The following PTPRD variants were observed in gnomAD, a reference collection of about 807,000 sequenced individuals.
The protein encoded by PTPRD is protein tyrosine phosphatase receptor type D.
A neutral mutation model predicts 214.5 loss-of-function variants in PTPRD; 34 were observed. The ratio of observed to expected loss-of-function variants is 0.16; its 90% CI spans 0.12 to 0.21. The LOEUF is 0.21. PTPRD is among the 10% of genes least tolerant of loss of function. The pLI, the probability that PTPRD is intolerant of heterozygous loss-of-function variation, is 1.00. For synonymous variants in PTPRD, 1,128 were observed against 845.7 expected, an observed-to-expected ratio of 1.33 and a Z score of -5.79; for missense variants, 2,545 against 2,398.7, an observed-to-expected ratio of 1.06 and a Z score of -1.27.
chr9:8,776,936 G>A (rs1486569629), intron 11 of PTPRD, among the ~76,000 whole-genome samples: 1 of 146,520 alleles, frequency 6.8e-6, no homozygotes, highest in African/African-American at 2.5e-5. Flanking sequence ...TAAATATGAT[G>A]TAATACATAT....
chr9:8,350,464 T>C (rs989388116), intron 39 of PTPRD, among the ~76,000 whole-genome samples: 1 of 152,164 alleles, frequency 6.6e-6, no homozygotes, highest in Non-Finnish European at 1.5e-5. Flanking sequence ...CTACAAGTAT[T>C]TGACATCTAT....
At chr9:10,428,212 G>C (rs1367386568) in intron 2 of PTPRD, among the ~76,000 whole-genome samples, 13 of 151,976 alleles carry the variant, frequency 8.6e-5, no homozygotes. Context: ...CCAGCTACTT[G>C]GGAGGCTGAG....
At chr9:9,224,168 CAG>C (rs1258485499) in intron 9 of PTPRD, among the ~76,000 whole-genome samples, 9 of 151,930 alleles carry the variant, frequency 5.9e-5, no homozygotes, top group African/African-American at 1.9e-4. Context: ...CAGCTACAGT[CAG>C]TGACTCCCTC....
At position 8,606,377 on chromosome 9, in the gene PTPRD, A is replaced by AATC. The variant is rs575024289; in HGVS notation, c.352+26937_352+26939dup. Among the ~76,000 whole-genome samples, 5 of 152,300 alleles carry AATC rather than the reference A, an allele frequency of 3.3e-5. No homozygotes were observed. The South Asian group carries it at 8.3e-4, about 25-fold the overall frequency. On this transcript the variant is annotated intron_variant, in intron 14 of 45. Transcript: ENST00000381196. Reference sequence around the variant, plus strand: ...GGGGAAGAAAAGCCAAGAGAAGGAAAATCAATTACCTGTGAATAGCATCTT... The same window carrying AATC: ...GGGGAAGAAAAGCCAAGAGAAGGAAAATCATCAATTACCTGTGAATAGCATCTT...
At chr9:8,522,748 T>G (rs996222926) in intron 19 of PTPRD, among the ~76,000 whole-genome samples, 1 of 152,194 alleles carries the variant, frequency 6.6e-6, no homozygotes, top group African/African-American at 2.4e-5. Flanking sequence ...ATTGGTTTCA[T>G]CTGGGGCTTT....
chr9:8,784,547 A>C (rs1214062149), intron 11 of PTPRD, among the ~76,000 whole-genome samples: 2 of 152,170 alleles, frequency 1.3e-5, no homozygotes, highest in African/African-American at 4.8e-5. Context: ...TTTTAAACAG[A>C]ATCTGGTTTT....
intron 5 of PTPRD, among the ~76,000 whole-genome samples, chr9:9,796,270 T>A (rs1416948075): frequency 1.3e-5 from 2 of 152,160 alleles, no homozygotes; most frequent in Non-Finnish European, 1.5e-5. Flanking sequence ...TAATACTTCT[T>A]AATCCAGTTG....
At chr9:8,973,714 C>T (rs752641499) in intron 11 of PTPRD, among the ~76,000 whole-genome samples, 6 of 152,008 alleles carry the variant, frequency 3.9e-5, no homozygotes, top group Non-Finnish European at 7.4e-5. Flanking sequence ...TCTCTGTAGC[C>T]TCTCCAGCAT....
At chr9:9,498,408 T>G (rs1349608943) in intron 8 of PTPRD, among the ~76,000 whole-genome samples, 1 of 152,146 alleles carries the variant, frequency 6.6e-6, no homozygotes, top group Non-Finnish European at 1.5e-5. Flanking sequence ...ATCCAGGTTA[T>G]AAACTTGGAC....
intron 12 of PTPRD, chr9:8,700,691 C>G (rs1214814654): frequency 1.3e-5 from 2 of 152,192 alleles, no homozygotes; most frequent in African/African-American, 4.8e-5. Flanking sequence ...CATCACTAAG[C>G]AGTGAACAAA....
intron 3 of PTPRD, among the ~76,000 whole-genome samples, chr9:10,310,443 A>C (rs2096238325): frequency 6.6e-6 from 1 of 152,108 alleles, no homozygotes; most frequent in African/African-American, 2.4e-5. Context: ...ATTTTAATAA[A>C]GAAGCACAAA....
At chr9:9,321,749 T>G (rs1042178467) in intron 9 of PTPRD, among the ~76,000 whole-genome samples, 1 of 152,200 alleles carries the variant, frequency 6.6e-6, no homozygotes, top group African/African-American at 2.4e-5. Context: ...CTATCTTGAT[T>G]TCTACATTTG....
intron 7 of PTPRD, among the ~76,000 whole-genome samples, chr9:9,727,032 A>G (rs2098107379): frequency 6.6e-6 from 1 of 152,206 alleles, no homozygotes; most frequent in Non-Finnish European, 1.5e-5. Flanking sequence ...GAACACCTGG[A>G]GAAGAGCTGC....
intron 3 of PTPRD, among the ~76,000 whole-genome samples, chr9:10,037,983 A>G (rs762869221): frequency 2.0e-5 from 3 of 152,196 alleles, no homozygotes; most frequent in Non-Finnish European, 4.4e-5. Flanking sequence ...CACACCTTGT[A>G]TATGAGAGTC....
At chr9:10,097,367 T>G (rs558496486) in intron 3 of PTPRD, among the ~76,000 whole-genome samples, 10 of 137,494 alleles carry the variant, frequency 7.3e-5, no homozygotes, top group Non-Finnish European at 1.5e-4. Flanking sequence ...TTCCTACCCA[T>G]GAGCATGGAA....
At chr9:9,801,422 G>C (rs1193583121) in intron 5 of PTPRD, among the ~76,000 whole-genome samples, 2 of 151,840 alleles carry the variant, frequency 1.3e-5, no homozygotes, top group African/African-American at 2.4e-5. Context: ...TTTTGTCAAA[G>C]GCTGCCCTTC....
chr9:9,690,762 A>G (rs139886724), intron 7 of PTPRD, among the ~76,000 whole-genome samples: 14 of 152,040 alleles, frequency 9.2e-5, no homozygotes, highest in South Asian at 6.2e-4. Context: ...TTTGTTGAAA[A>G]TGAGTTGGCT....
chr9:10,043,810 T>C (rs906590736), intron 3 of PTPRD, among the ~76,000 whole-genome samples: 2 of 151,830 alleles, frequency 1.3e-5, no homozygotes, highest in African/African-American at 4.8e-5. Context: ...GCTGCAAAAT[T>C]CCAAAGTCTA....
At chr9:8,952,802 G>T (rs2099110051) in intron 11 of PTPRD, among the ~76,000 whole-genome samples, 1 of 151,952 alleles carries the variant, frequency 6.6e-6, no homozygotes, top group Non-Finnish European at 1.5e-5. Context: ...GTGAAAGAAA[G>T]AAAAGGAATT....
Sources: allele counts gnomAD v4.1 joint callset (sites outside exome capture counted in the v4.1 genomes callset), GRCh38; gene constraint gnomAD v4.1.1; transcripts MANE v1.5; gene names NCBI Gene and HGNC (gene_info 2026-07-23, HGNC 2026-07-21).